Variants in CNTN5 observed in about 807,000 individuals in gnomAD.
CNTN5 encodes contactin 5.
A neutral mutation model predicts 129.1 loss-of-function variants in CNTN5; 77 were observed. The observed-to-expected ratio is 0.60, with a 90% CI of 0.50 to 0.72. The LOEUF is 0.72. CNTN5 is among the 30% of genes least tolerant of loss of function. CNTN5 has a pLI of 0.00. For synonymous variants in CNTN5, 509 were observed against 465.6 expected (o/e 1.09, Z -1.20); for missense variants, 1,478 against 1,328.8 (o/e 1.11, Z -1.75).
rs566819275 is a variant in CNTN5, at chr11:99,410,184, C to T, written c.-71+84700C>T. On this transcript the variant is annotated intron_variant, in intron 2 of 24. Coordinates refer to ENST00000524871, the MANE Select transcript of CNTN5 (RefSeq NM_014361.4). ...AATTATAGGAAAAAGAAATACACTC[C>T]GTTTAGCTTGTATTTTAGTTTCCTA... 1.8e-3 allele frequency among the ~76,000 whole-genome samples: 277 copies of T among 152,242 alleles called. 1 individual carries two copies. Among genetic ancestry groups the T allele is most frequent in the African/African-American group, 6.5e-3 (270 of 41,540 alleles).
At chr11:100,069,907 C>A (rs1363282863) in intron 10 of CNTN5, among the ~76,000 whole-genome samples, 1 of 151,680 alleles carries the variant, frequency 6.6e-6, no homozygotes, top group Admixed American at 6.6e-5. Flanking sequence ...CAATTTTGCA[C>A]AAATAAAAAA....
chr11:99,870,153 T>C (rs974146622), intron 6 of CNTN5, among the ~76,000 whole-genome samples: 2 of 152,162 alleles, frequency 1.3e-5, no homozygotes, highest in African/African-American at 4.8e-5. Context: ...TTAATTGCTC[T>C]TTAAACAAAT....
intron 16 of CNTN5, among the ~76,000 whole-genome samples, chr11:100,229,745 G>T (rs562726930): frequency 1.3e-5 from 2 of 152,308 alleles, no homozygotes; most frequent in African/African-American, 4.8e-5. Context: ...GATCCAATTA[G>T]ATTCTAAATT....
intron 1 of CNTN5, among the ~76,000 whole-genome samples, chr11:99,194,544 G>C (rs1291253390): frequency 2.0e-5 from 3 of 152,088 alleles, no homozygotes; most frequent in Non-Finnish European, 4.4e-5. Flanking sequence ...AGTAAGCTTT[G>C]GAAATTGAGC....
rs545133660 is a variant in CNTN5, at chr11:99,809,386, T to A, written c.56-10158T>A. Among the ~76,000 whole-genome samples the A allele has an allele frequency of 2.9e-4, 44 of 152,324 alleles. No individual in the cohort carries two copies. The South Asian group carries it at 9.1e-3, about 32-fold the overall frequency. ...ATAAGAACTCCTTGAAGGCAAAGAT[T>A]GTATGTTTTATTATACTTTTTAAAA... On this transcript the variant is annotated intron_variant, in intron 3 of 24. Transcript: ENST00000524871.
At chr11:99,802,804 A>G (rs1166742476) in intron 3 of CNTN5, among the ~76,000 whole-genome samples, 2 of 151,908 alleles carry the variant, frequency 1.3e-5, no homozygotes, top group African/African-American at 4.8e-5. Context: ...GTGACTCAGG[A>G]AGCTGTTCCA....
At chr11:99,492,113 A>G (rs985364590) in intron 2 of CNTN5, among the ~76,000 whole-genome samples, 1 of 152,126 alleles carries the variant, frequency 6.6e-6, no homozygotes, top group Non-Finnish European at 1.5e-5. Context: ...TGTTGGGTTC[A>G]CGCTATTCCT....
At chr11:99,144,565 G>T (rs572361395) in intron 1 of CNTN5, among the ~76,000 whole-genome samples, 1 of 152,052 alleles carries the variant, frequency 6.6e-6, no homozygotes, top group African/African-American at 2.4e-5. Context: ...CAGAATTTTC[G>T]TATTTGTTCA....
At chr11:99,824,445 G>T (rs1045962292) in intron 4 of CNTN5, among the ~76,000 whole-genome samples, 2 of 151,854 alleles carry the variant, frequency 1.3e-5, no homozygotes, top group Non-Finnish European at 2.9e-5. Flanking sequence ...TGTTATTTCT[G>T]TTAGAATATT....
At chr11:99,525,381 G>C (rs12277896) in intron 2 of CNTN5, among the ~76,000 whole-genome samples, 41,368 of 152,030 alleles carry the variant, frequency 0.27, 6,007 homozygotes, top group East Asian at 0.35. Flanking sequence ...TTATAAGTAC[G>C]TACTAAGTAC....
At chr11:99,378,181 G>A (rs1940304770) in intron 2 of CNTN5, among the ~76,000 whole-genome samples, 1 of 151,906 alleles carries the variant, frequency 6.6e-6, no homozygotes, top group African/African-American at 2.4e-5. Context: ...ACAATGCTTT[G>A]GACTCGTGGT....
At chr11:99,345,892 C>T (rs72983777) in intron 2 of CNTN5, among the ~76,000 whole-genome samples, 5,193 of 151,990 alleles carry the variant, frequency 0.034, 118 homozygotes, top group Middle Eastern at 0.072. Context: ...AGTAGAAAAC[C>T]TCAAGTATTT....
intron 1 of CNTN5, among the ~76,000 whole-genome samples, chr11:99,244,277 A>T (rs1861711870): frequency 1.3e-5 from 2 of 152,102 alleles, no homozygotes; most frequent in African/African-American, 4.8e-5. Flanking sequence ...GATGTATAGA[A>T]ATGCTGCTGA....
intron 15 of CNTN5, among the ~76,000 whole-genome samples, chr11:100,196,899 A>C (rs1395992312): frequency 6.6e-6 from 1 of 152,044 alleles, no homozygotes; most frequent in African/African-American, 2.4e-5. Context: ...TACAAGCTAA[A>C]TGCTGTTGGG....
intron 6 of CNTN5, among the ~76,000 whole-genome samples, chr11:99,889,812 G>A (rs1452825846): frequency 6.6e-6 from 1 of 152,164 alleles, no homozygotes; most frequent in Admixed American, 6.5e-5. Flanking sequence ...CTCCCAGAGT[G>A]CTGGGATTAG....
rs767015452 is a variant in CNTN5, at chr11:100,356,268, G to A, written c.*48G>A. ...TTGTTTGCTTTAGCTTGGTAACAGC[G>A]GTGAATAGAGTGTAGTGTAAGTGGA... is the stretch of plus-strand genomic sequence containing the variant. On this transcript the variant is annotated 3_prime_UTR_variant, in exon 25 of 25. Coordinates refer to ENST00000524871, the MANE Select transcript of CNTN5 (RefSeq NM_014361.4). 8.1e-6 allele frequency: 10 copies of A among 1,238,070 alleles called. No individual in the cohort carries two copies. The highest frequency in any genetic ancestry group is 6.3e-5 in the South Asian group (5 of 78,822). 76.7% of individuals were successfully genotyped at this position (1,238,070 alleles called of 1,614,324 possible). A position where few individuals can be genotyped will look rare whatever the true frequency, so the allele number is the denominator to read the frequency against.
intron 19 of CNTN5, among the ~76,000 whole-genome samples, chr11:100,298,786 T>C (rs140623862): frequency 5.3e-4 from 80 of 151,554 alleles, no homozygotes; most frequent in African/African-American, 1.8e-3. Flanking sequence ...TAAAGGGTTC[T>C]GCAGAGCATT....
intron 17 of CNTN5, among the ~76,000 whole-genome samples, chr11:100,270,338 A>G (rs931759471): frequency 6.6e-6 from 1 of 152,188 alleles, no homozygotes; most frequent in African/African-American, 2.4e-5. Flanking sequence ...TGCCATGCCT[A>G]CAAAGAAATC....
At chr11:100,225,950 C>A (rs905810226) in intron 16 of CNTN5, among the ~76,000 whole-genome samples, 2 of 152,070 alleles carry the variant, frequency 1.3e-5, no homozygotes, top group African/African-American at 4.8e-5. Flanking sequence ...TTTGGTAGTG[C>A]ATCCATCATT....
Sources: gnomAD v4.1 joint callset for allele counts (sites outside exome capture counted in the v4.1 genomes callset) on GRCh38, gnomAD v4.1.1 for gene constraint, MANE v1.5 for transcripts, NCBI Gene and HGNC (gene_info 2026-07-23, HGNC 2026-07-21) for gene names.